Variants in PBX1 observed in about 807,000 individuals in gnomAD.
PBX1 encodes the protein PBX homeobox 1, also known as pre-B-cell leukemia transcription factor 1.
Under a neutral mutation model 53.4 loss-of-function variants are expected in PBX1, and 6 were observed. The ratio of observed to expected loss-of-function variants is 0.11; its 90% CI spans 0.06 to 0.22. The LOEUF (loss-of-function observed/expected upper bound fraction) is 0.22. Ranked by LOEUF, PBX1 falls within the 10% of genes least tolerant of loss-of-function variation. PBX1 has a pLI of 1.00. For missense variants in PBX1, 251 were observed against 551.4 expected, an observed-to-expected ratio of 0.46 and a Z score of 5.46; for synonymous variants, 204 against 212.3, an observed-to-expected ratio of 0.96 and a Z score of 0.34.
chr1:164,734,921 G>T (rs538949223), intron 2 of PBX1, among the ~76,000 whole-genome samples: 6 of 152,256 alleles, frequency 3.9e-5, no homozygotes, highest in African/African-American at 1.4e-4. Context: ...TATTTTCCAA[G>T]CTGGATAGAT....
intron 2 of PBX1, among the ~76,000 whole-genome samples, chr1:164,763,225 A>G (rs539165584): frequency 6.6e-6 from 1 of 152,250 alleles, no homozygotes; most frequent in East Asian, 1.9e-4. Context: ...GGCTCCATAG[A>G]CCACAAAAAA....
intron 2 of PBX1, chr1:164,605,452 G>A (rs1172614452): frequency 6.6e-6 from 1 of 152,130 alleles, no homozygotes. Flanking sequence ...TCCTGTAGAG[G>A]AGGCACTCTT....
intron 2 of PBX1, among the ~76,000 whole-genome samples, chr1:164,781,558 T>TTC (rs1260670840): frequency 1.3e-5 from 2 of 152,178 alleles, no homozygotes; most frequent in Non-Finnish European, 2.9e-5. Flanking sequence ...AGATAGAGTC[T>TTC]TCTCTTCTAC....
Position 164,821,641 on chromosome 1 carries a change from C to A in PBX1, c.1200+15C>A, listed in dbSNP as rs139076935. ...AGGGCATCAGTGTAAGAAAACAAGC[C>A]CCCCCACCCCCTGCTTTGTTTTTAT... On this transcript the variant is annotated intron_variant, in intron 8 of 8. Transcript: ENST00000420696. The A allele has an allele frequency of 8.5e-5, 135 of 1,595,296 alleles. No individual in the cohort carries two copies. The East Asian group carries it at 2.9e-3, about 35-fold the overall frequency.
intron 2 of PBX1, among the ~76,000 whole-genome samples, chr1:164,759,291 T>A (rs1666687361): frequency 6.6e-6 from 1 of 152,188 alleles, no homozygotes; most frequent in Non-Finnish European, 1.5e-5. Flanking sequence ...TCAACCCCCA[T>A]TCCAGTAACA....
chr1:164,765,696 A>C (rs1421665027), intron 2 of PBX1, among the ~76,000 whole-genome samples: 2 of 152,176 alleles, frequency 1.3e-5, no homozygotes, highest in Non-Finnish European at 2.9e-5. Context: ...TGAGAAGTGA[A>C]CTGACTCTCC....
chr1:164,850,114 G>A lies in PBX1; in HGVS notation c.*3438G>A, dbSNP rs1183868164. The A allele has an allele frequency of 3.5e-5, 8 of 227,156 alleles. No individual in the cohort carries two copies. Among genetic ancestry groups the A allele is most frequent in the Admixed American group, 5.7e-5 (1 of 17,582 alleles). The allele number at this position is 227,156 out of a possible 1,614,324, so 14.1% of individuals were successfully genotyped here. A position where few individuals can be genotyped will look rare whatever the true frequency, so the allele number is the denominator to read the frequency against. ...AAAAATTTTAAAAATGACCCTCATA[G>A]CACGCAAAACAGGATGGGGAATTTC... On this transcript the variant is annotated 3_prime_UTR_variant, in exon 9 of 9. Transcript: ENST00000420696.
chr1:164,687,869 G>T (rs1326445385), intron 2 of PBX1, among the ~76,000 whole-genome samples: 2 of 152,152 alleles, frequency 1.3e-5, no homozygotes, highest in African/African-American at 4.8e-5. Flanking sequence ...AAATAACTTT[G>T]ATAAGAACCA....
chr1:164,819,336 A>T (rs1189171012), intron 6 of PBX1: 1 of 152,010 alleles, frequency 6.6e-6, no homozygotes, highest in Non-Finnish European at 1.5e-5. Flanking sequence ...TATTATTATT[A>T]TTAGCAGCGA....
intron 2 of PBX1, among the ~76,000 whole-genome samples, chr1:164,729,816 CAG>C (rs1553236793): frequency 2.6e-5 from 4 of 151,648 alleles, no homozygotes; most frequent in African/African-American, 7.3e-5. Context: ...AAGCAAAAGA[CAG>C]ATAATAAAAA....
In PBX1 at chr1:164,708,712, C is replaced by T. The variant is rs191552671; in HGVS notation, c.266-83782C>T. On this transcript the variant is annotated intron_variant, in intron 2 of 8. Transcript: ENST00000420696. ...AATGGCCTCCGGCTGCATCCATCAA[C>T]ATATACAATCTTTACAACAAATATA... Among the ~76,000 whole-genome samples, 9 of 152,328 alleles carry T rather than the reference C, an allele frequency of 5.9e-5. No homozygotes were observed. In the South Asian group the frequency reaches 1.9e-3, roughly 32 times the overall value.
intron 3 of PBX1, among the ~76,000 whole-genome samples, chr1:164,793,431 A>G (rs1356389178): frequency 6.6e-6 from 1 of 152,110 alleles, no homozygotes; most frequent in Non-Finnish European, 1.5e-5. Flanking sequence ...CTGCATACTC[A>G]ATTCTGAAAG....
intron 2 of PBX1, among the ~76,000 whole-genome samples, chr1:164,698,225 G>A (rs1469353832): frequency 1.3e-5 from 2 of 152,120 alleles, no homozygotes; most frequent in Admixed American, 1.3e-4. Flanking sequence ...AGTAGAGGGT[G>A]AGAGCAAGAC....
intron 2 of PBX1, among the ~76,000 whole-genome samples, chr1:164,618,685 T>C (rs1246893645): frequency 1.3e-5 from 2 of 152,180 alleles, no homozygotes; most frequent in Admixed American, 1.3e-4. Flanking sequence ...CCTGAAGAAT[T>C]CATTATAACG....
intron 2 of PBX1, among the ~76,000 whole-genome samples, chr1:164,756,866 A>T (rs1257874817): frequency 6.6e-6 from 1 of 152,256 alleles, no homozygotes. Context: ...TCAAATATAC[A>T]ATTCAAACAG....
At chr1:164,807,744 A>G in intron 5 of PBX1, 67 bp downstream of exon 5, 1 of 1,566,240 alleles carries the variant, frequency 6.4e-7, no homozygotes. Flanking sequence ...GCAGGCTCTT[A>G]GAGGTCTTGC....
chr1:164,589,345 T>C (rs1314362788), intron 2 of PBX1, among the ~76,000 whole-genome samples: 1 of 151,762 alleles, frequency 6.6e-6, no homozygotes, highest in Non-Finnish European at 1.5e-5. Context: ...TATGGGATGA[T>C]CAGTAAGGAG....
At chr1:164,762,034 T>A (rs977474512) in intron 2 of PBX1, among the ~76,000 whole-genome samples, 3 of 152,224 alleles carry the variant, frequency 2.0e-5, no homozygotes, top group African/African-American at 4.8e-5. Context: ...ATATATTTTT[T>A]AATTTCACTT....
chr1:164,743,545 T>C (rs796272760), intron 2 of PBX1, among the ~76,000 whole-genome samples: 5 of 152,314 alleles, frequency 3.3e-5, no homozygotes, highest in African/African-American at 1.2e-4. Context: ...TCATCTTTTA[T>C]ATATGTTTCC....
Sources: gnomAD v4.1 joint callset for allele counts (sites outside exome capture counted in the v4.1 genomes callset) on GRCh38, gnomAD v4.1.1 for gene constraint, MANE v1.5 for transcripts, NCBI Gene and HGNC (gene_info 2026-07-23, HGNC 2026-07-21) for gene names.